Variants in ZNF638 observed in about 807,000 individuals in gnomAD.
ZNF638 encodes zinc finger protein 638.
In ZNF638, 46 loss-of-function variants were observed where a neutral mutation model predicts 195.6. The ratio of observed to expected loss-of-function variants is 0.24; its 90% confidence interval spans 0.19 to 0.30. The LOEUF (loss-of-function observed/expected upper bound fraction) is 0.30, where lower values mean the gene tolerates loss of function less well. ZNF638 is among the 10% of genes least tolerant of loss of function. ZNF638 has a pLI of 1.00. For missense variants in ZNF638, 2,440 were observed against 2,325.3 expected (o/e 1.05, Z -1.01); for synonymous variants, 845 against 772.0 (o/e 1.09, Z -1.57).
At chr2:71,333,121 A>G (rs1029800374) in intron 1 of ZNF638, 12 of 152,246 alleles carry the variant, frequency 7.9e-5, no homozygotes, top group Non-Finnish European at 1.5e-4. Flanking sequence ...CATGTAAATG[A>G]CATTCAAATA....
chr2:71,388,571 C>T, intron 10 of ZNF638: 1 of 757,614 alleles, frequency 1.3e-6, no homozygotes, highest in Non-Finnish European at 2.5e-6. Context: ...CCTAGCTGCG[C>T]TCACGCAAAA....
intron 19 of ZNF638, 45 bp downstream of exon 19, chr2:71,406,307 G>A (rs370320457): frequency 5.8e-5 from 90 of 1,563,164 alleles, no homozygotes; most frequent in Non-Finnish European, 7.2e-5. Flanking sequence ...TGTAAAGAAT[G>A]TATAATAACC....
Position 71,363,211 on chromosome 2 carries a change from A to G in ZNF638, c.1418+20A>G. ...GAGAAGGTAATTTTTAAAAATAGTA[A>G]TATTATTAAAACCTGATTGTCTTTT... On this transcript the variant is annotated intron_variant, in intron 4 of 27. Transcript: ENST00000264447. 6.6e-7 allele frequency: 1 copy of G among 1,520,538 alleles called. No individual in the cohort carries two copies. The highest frequency in any genetic ancestry group is 9.0e-7 in the Non-Finnish European group (1 of 1,109,542). The allele number at this position is 1,520,538 out of a possible 1,614,324, so 94.2% of individuals were successfully genotyped here. A position where few individuals can be genotyped will look rare whatever the true frequency, so the allele number is the denominator to read the frequency against.
At chr2:71,430,881 C>G (rs60477840) in intron 25 of ZNF638, 33,733 of 152,220 alleles carry the variant, frequency 0.22, 4,618 homozygotes, top group African/African-American at 0.38. Flanking sequence ...AATAATTTTA[C>G]TTGTGTTTCT....
chr2:71,381,418 A>G (rs1337055275), intron 10 of ZNF638, among the ~76,000 whole-genome samples: 1 of 152,118 alleles, frequency 6.6e-6, no homozygotes, highest in Non-Finnish European at 1.5e-5. Context: ...GAAGGTTAGC[A>G]GAGATACTAT....
At position 71,423,633 on chromosome 2, in the gene ZNF638, T is replaced by G. The variant is rs763932879; in HGVS notation, c.4119T>G (p.Pro1373=). ...AAGGAGTGGGTCAGGCTAATAAGCCTGATGAAACTAGTAAAACTAGTATTC... is the reference window on the plus strand; with the variant it reads ...AAGGAGTGGGTCAGGCTAATAAGCCGGATGAAACTAGTAAAACTAGTATTC... ...PNKGVGQANK[P]DETSKTSILA... The change falls in exon 22 of 28, where the codon CCT becomes CCG. Residue 1373 remains proline, a synonymous_variant. Coordinates refer to ENST00000264447, the MANE Select transcript of ZNF638 (RefSeq NM_014497.5). The G allele has an allele frequency of 6.2e-7, 1 of 1,613,834 alleles. No individual in the cohort carries two copies.
chr2:71,391,470 T>C (rs1573104545), intron 10 of ZNF638, among the ~76,000 whole-genome samples: 1 of 152,202 alleles, frequency 6.6e-6, no homozygotes, highest in Non-Finnish European at 1.5e-5. Context: ...GAAAAAAATT[T>C]CCTAATTGCA....
At chr2:71,376,729 T>C (rs1287706160) in intron 8 of ZNF638, among the ~76,000 whole-genome samples, 1 of 151,992 alleles carries the variant, frequency 6.6e-6, no homozygotes, top group Non-Finnish European at 1.5e-5. Context: ...AAAAAAATCC[T>C]ATATCCCTAT....
intron 10 of ZNF638, among the ~76,000 whole-genome samples, chr2:71,390,674 A>G (rs1044134589): frequency 2.0e-5 from 3 of 152,186 alleles, no homozygotes; most frequent in Admixed American, 2.0e-4. Context: ...TCAGAGACCC[A>G]TGATTACCTT....
In ZNF638 at chr2:71,423,074, G is replaced by A. The variant is rs745633373; in HGVS notation, c.3560G>A (p.Ser1187Asn). The change falls in exon 22 of 28, where the codon AGT becomes AAT. Residue 1187 changes from serine (S) to asparagine (N), a missense_variant. By Grantham distance (46) the Ser-to-Asn change is conservative. Around this residue, in one of 5 missense-constraint regions of ZNF638, gnomAD observed 1,883 missense variants for 1,739.1 expected, o/e 1.08. Coordinates refer to ENST00000264447, the MANE Select transcript of ZNF638 (RefSeq NM_014497.5). Reference sequence around the variant, plus strand: ...CCTCTTGTAGCATCCGCTTCAGTCAGTATTGAACAATTCACTGAAAATGCC... The same window carrying A: ...CCTCTTGTAGCATCCGCTTCAGTCAATATTGAACAATTCACTGAAAATGCC... ...EIPLVASASVSIEQFTENAEE... is the reference protein window; with the variant it reads ...EIPLVASASVNIEQFTENAEE... 2 of 1,614,014 alleles carry A rather than the reference G, an allele frequency of 1.2e-6. No homozygotes were observed. The highest frequency in any genetic ancestry group is 2.7e-5 in the African/African-American group (2 of 74,928).
chr2:71,400,160 G>C lies in ZNF638; in HGVS notation c.2636G>C (p.Cys879Ser), dbSNP rs751376975. ...ATTGAAGTCAAAGCCACTGAAAACTGTGCTAAAGAAGCTATTTCTGGTAGG... is the reference window on the plus strand; with the variant it reads ...ATTGAAGTCAAAGCCACTGAAAACTCTGCTAAAGAAGCTATTTCTGGTAGG... ...TSIEVKATEN[C>S]AKEAISDAAL... The change falls in exon 14 of 28, where the codon TGT becomes TCT. Residue 879 changes from cysteine to serine, a missense_variant. Cys to Ser is a moderately radical substitution (Grantham distance 112, BLOSUM62 -1). Around this residue, in one of 5 missense-constraint regions of ZNF638, gnomAD observed 1,883 missense variants for 1,739.1 expected, o/e 1.08. Transcript: ENST00000264447. The C allele has an allele frequency of 1.2e-6, 2 of 1,606,924 alleles. No homozygotes were observed. Among genetic ancestry groups the C allele is most frequent in the African/African-American group, 1.3e-5 (1 of 74,692 alleles).
chr2:71,350,582 T>A (rs1356368527), intron 2 of ZNF638, among the ~76,000 whole-genome samples: 1 of 152,162 alleles, frequency 6.6e-6, no homozygotes, highest in African/African-American at 2.4e-5. Flanking sequence ...TACAAGACAA[T>A]GTCACATGGA....
intron 1 of ZNF638, among the ~76,000 whole-genome samples, chr2:71,346,917 G>A (rs556667355): frequency 1.3e-5 from 2 of 151,978 alleles, no homozygotes; most frequent in Admixed American, 1.3e-4. Flanking sequence ...CCAGCTACTC[G>A]GGAGGCTGAG....
intron 20 of ZNF638, among the ~76,000 whole-genome samples, chr2:71,417,978 T>C (rs953653047): frequency 1.3e-5 from 2 of 152,222 alleles, no homozygotes; most frequent in Admixed American, 1.3e-4. Flanking sequence ...CTAGTATGTA[T>C]AAGCTCTGAA....
In ZNF638 at chr2:71,431,384, A is replaced by G. The variant is rs752261754; in HGVS notation, c.5708A>G (p.Glu1903Gly). 1 of 1,614,094 alleles carries G rather than the reference A, an allele frequency of 6.2e-7. No homozygotes were observed. The highest frequency in any genetic ancestry group is 1.1e-5 in the South Asian group (1 of 91,080). ...SEPERKRKKT[E>G]DSSSGKSVAS... Reference sequence around the variant, plus strand: ...CCAGAGCGAAAACGCAAGAAGACTGAAGACTCTTCTTCAGGCAAATCAGTG... The same window carrying G: ...CCAGAGCGAAAACGCAAGAAGACTGGAGACTCTTCTTCAGGCAAATCAGTG... Residue 1903 changes from glutamate to glycine, a missense_variant, in exon 26 of 28, where the codon GAA becomes GGA. Glu to Gly is a moderately conservative substitution (Grantham distance 98, BLOSUM62 -2). Coordinates refer to ENST00000264447, the MANE Select transcript of ZNF638 (RefSeq NM_014497.5).
chr2:71,352,739 G>C (rs1164703711), intron 2 of ZNF638, among the ~76,000 whole-genome samples: 1 of 152,166 alleles, frequency 6.6e-6, no homozygotes, highest in Non-Finnish European at 1.5e-5. Context: ...ATTTTAGGGA[G>C]ATCTGACTGA....
chr2:71,367,466 C>T (rs1246033554), intron 6 of ZNF638, among the ~76,000 whole-genome samples: 1 of 145,660 alleles, frequency 6.9e-6, no homozygotes. Flanking sequence ...CAGAGTCTCG[C>T]TCTGTCACCC....
intron 18 of ZNF638, among the ~76,000 whole-genome samples, chr2:71,405,904 G>A (rs1477059863): frequency 6.6e-6 from 1 of 152,088 alleles, no homozygotes; most frequent in Non-Finnish European, 1.5e-5. Flanking sequence ...TTGGGTAAAC[G>A]TTATGTTGAT....
Position 71,398,771 on chromosome 2 carries a change from A to G in ZNF638, c.2499A>G (p.Thr833=). The G allele has an allele frequency of 6.2e-7, 1 of 1,610,476 alleles. No homozygotes were observed. Among genetic ancestry groups the G allele is most frequent in the African/African-American group, 1.3e-5 (1 of 74,968 alleles). Residue 833 remains threonine (T), a splice_region_variant and synonymous_variant, in exon 12 of 28, where the codon ACA becomes ACG. Coordinates refer to ENST00000264447, the MANE Select transcript of ZNF638 (RefSeq NM_014497.5). ...AVKGNKASIK[T]AKSGGKKSLE... is the part of the protein sequence containing the mutation. ...AAGGTAATAAAGCTTCAATCAAAACAGGTAAGACTATTGGGGAGGAGAGAT... is the reference window on the plus strand; with the variant it reads ...AAGGTAATAAAGCTTCAATCAAAACGGGTAAGACTATTGGGGAGGAGAGAT...
Sources: allele counts gnomAD v4.1 joint callset (sites outside exome capture counted in the v4.1 genomes callset), GRCh38; gene constraint gnomAD v4.1.1; regional missense constraint gnomAD v4.1.1; transcripts MANE v1.5; gene names NCBI Gene and HGNC (gene_info 2026-07-23, HGNC 2026-07-21).